The following SDK1 variants were observed in gnomAD, a reference collection of about 807,000 sequenced individuals.
SDK1 encodes the protein protein sidekick-1.
SDK1 carries 157 observed loss-of-function variants against 245.5 expected under a neutral mutation model. That is an observed-to-expected ratio of 0.64 (90% CI 0.56 to 0.73). The LOEUF is 0.73. SDK1 is among the 30% of genes least tolerant of loss of function. SDK1 has a pLI of 0.00. For missense variants in SDK1, 3,583 were observed against 3,002.3 expected (o/e 1.19, Z -4.52); for synonymous variants, 1,647 against 1,278.5 (o/e 1.29, Z -6.15).
At chr7:3,540,169 G>C (rs1375546546) in intron 1 of SDK1, among the ~76,000 whole-genome samples, 1 of 152,226 alleles carries the variant, frequency 6.6e-6, no homozygotes, top group African/African-American at 2.4e-5. Flanking sequence ...CACTTTGGAA[G>C]ACCAAGGCAG....
chr7:3,832,949 A>T (rs971372810), intron 5 of SDK1, among the ~76,000 whole-genome samples: 1 of 152,056 alleles, frequency 6.6e-6, no homozygotes, highest in Admixed American at 6.6e-5. Flanking sequence ...TTTGCCCAGG[A>T]ATAACTAGCA....
In SDK1 at chr7:4,042,833, A is replaced by G. The variant is rs17134269; in HGVS notation, c.2603-6515A>G. 7.0e-3 allele frequency among the ~76,000 whole-genome samples: 1,063 copies of G among 152,308 alleles called. 12 individuals carry two copies. The highest frequency in any genetic ancestry group is 0.024 in the African/African-American group (992 of 41,554). On this transcript the variant is annotated intron_variant, in intron 17 of 44. Coordinates refer to ENST00000404826, the MANE Select transcript of SDK1 (RefSeq NM_152744.4). ...TTTATTTTCAACACTGTCAAGAAGG[A>G]TTTGCCGGCTGTAACTCTTTCTCGC...
intron 35 of SDK1, among the ~76,000 whole-genome samples, chr7:4,194,066 C>CTT (rs1783397625): frequency 1.3e-5 from 2 of 152,092 alleles, no homozygotes; most frequent in Admixed American, 6.6e-5. Context: ...TCATATTAAG[C>CTT]AGCCAACTCC....
At chr7:4,034,348 G>T (rs73300926) in intron 17 of SDK1, among the ~76,000 whole-genome samples, 11,615 of 152,262 alleles carry the variant, frequency 0.076, 992 homozygotes, top group African/African-American at 0.21. Flanking sequence ...TTAGATGGCA[G>T]TCATGTGTCA....
chr7:3,991,123 G>A (rs1239028941), intron 14 of SDK1, among the ~76,000 whole-genome samples: 3 of 152,202 alleles, frequency 2.0e-5, no homozygotes, highest in African/African-American at 4.8e-5. Context: ...TGATGTGACT[G>A]TATAGAAGGC....
At chr7:3,946,937 G>C (rs1043802897) in intron 5 of SDK1, among the ~76,000 whole-genome samples, 1 of 152,160 alleles carries the variant, frequency 6.6e-6, no homozygotes, top group African/African-American at 2.4e-5. Flanking sequence ...TCTCTATTTA[G>C]CCCTTTGTGC....
At chr7:3,444,566 G>C (rs1228020820) in intron 1 of SDK1, among the ~76,000 whole-genome samples, 1 of 152,046 alleles carries the variant, frequency 6.6e-6, no homozygotes, top group African/African-American at 2.4e-5. Flanking sequence ...TGTTTAAAAT[G>C]GGCCACCCAG....
chr7:3,365,806 G>C (rs997171563), intron 1 of SDK1, among the ~76,000 whole-genome samples: 2 of 116,336 alleles, frequency 1.7e-5, no homozygotes, highest in East Asian at 3.2e-4. Context: ...GCCGAGGTGG[G>C]TGTATCACCT....
chr7:4,101,201 T>C (rs998587598), intron 22 of SDK1, among the ~76,000 whole-genome samples: 37 of 149,480 alleles, frequency 2.5e-4, no homozygotes, highest in East Asian at 9.9e-4. Context: ...CAGGCTGGAG[T>C]GCAGTGGTGC....
At chr7:3,799,219 A>G (rs1779042783) in intron 4 of SDK1, among the ~76,000 whole-genome samples, 2 of 152,094 alleles carry the variant, frequency 1.3e-5, no homozygotes, top group Admixed American at 6.5e-5. Flanking sequence ...CAGGACATTC[A>G]GTTGGTATGT....
rs532182848 is a variant in SDK1, at chr7:3,462,600, C to T, written c.299-156480C>T. 5.3e-5 allele frequency among the ~76,000 whole-genome samples: 8 copies of T among 152,248 alleles called. No individual in the cohort carries two copies. The East Asian group carries it at 7.7e-4, about 15-fold the overall frequency. ...TTTCTAAGCCATCTCAAACTCAACT[C>T]GAACTAGACCAAACTTACCTATCTA... On this transcript the variant is annotated intron_variant, in intron 1 of 44. Transcript: ENST00000404826.
rs115841074 is a variant in SDK1, at chr7:4,028,745, C to T, written c.2602+11393C>T. On this transcript the variant is annotated intron_variant, in intron 17 of 44. Transcript: ENST00000404826. ...GTATCCCTTTTCTTCTGGTTTTGAT[C>T]GGCTCCCTGTCAAGATGAATGAGAT... Among the ~76,000 whole-genome samples the T allele has an allele frequency of 9.7e-3, 1,484 of 152,268 alleles. 22 individuals carry two copies. Among genetic ancestry groups the T allele is most frequent in the South Asian group, 0.028 (137 of 4,816 alleles).
chr7:3,947,283 C>T (rs747950706), intron 5 of SDK1, among the ~76,000 whole-genome samples: 4 of 152,132 alleles, frequency 2.6e-5, no homozygotes, highest in East Asian at 3.9e-4. Flanking sequence ...CACCTCACTC[C>T]GTCTTCTGCA....
intron 1 of SDK1, among the ~76,000 whole-genome samples, chr7:3,572,015 G>A (rs1047900831): frequency 6.6e-6 from 1 of 151,898 alleles, no homozygotes; most frequent in Non-Finnish European, 1.5e-5. Context: ...GAACATGTAC[G>A]TACACAAGAT....
intron 5 of SDK1, among the ~76,000 whole-genome samples, chr7:3,943,471 C>G (rs1025442227): frequency 6.7e-6 from 1 of 149,064 alleles, no homozygotes; most frequent in Non-Finnish European, 1.5e-5. Context: ...AGCTGTGTGC[C>G]CAGCTGCCTA....
At chr7:4,012,286 C>G in intron 16 of SDK1, 51 bp downstream of exon 16, 2 of 1,426,462 alleles carry the variant, frequency 1.4e-6, no homozygotes, top group African/African-American at 1.5e-5. Flanking sequence ...AGTTGAGCGT[C>G]GATTTCACAG....
At chr7:4,077,462 A>G (rs181439287) in intron 21 of SDK1, among the ~76,000 whole-genome samples, 61 of 152,378 alleles carry the variant, frequency 4.0e-4, no homozygotes, top group South Asian at 3.3e-3. Flanking sequence ...GTTTAAAGCC[A>G]GTTCCCAATG....
intron 4 of SDK1, among the ~76,000 whole-genome samples, chr7:3,809,803 C>T (rs565821065): frequency 1.3e-5 from 2 of 152,274 alleles, no homozygotes; most frequent in East Asian, 3.9e-4. Context: ...TTTATCTGCA[C>T]AAGGGAAGAA....
intron 5 of SDK1, among the ~76,000 whole-genome samples, chr7:3,846,604 A>T (rs1002288702): frequency 6.6e-6 from 1 of 152,110 alleles, no homozygotes; most frequent in African/African-American, 2.4e-5. Context: ...ATGTATGTGG[A>T]CTCATTCTTA....
Sources: allele counts gnomAD v4.1 joint callset (sites outside exome capture counted in the v4.1 genomes callset), GRCh38; gene constraint gnomAD v4.1.1; transcripts MANE v1.5; gene names NCBI Gene and HGNC (gene_info 2026-07-23, HGNC 2026-07-21).